Variants in PCDHGB2 observed in about 807,000 individuals in gnomAD.
PCDHGB2 encodes protocadherin gamma-B2.
PCDHGB2 carries 55 observed loss-of-function variants against 59.3 expected under a neutral mutation model. The observed-to-expected ratio is 0.93, with a 90% CI of 0.75 to 1.16. The LOEUF is 1.16. Ranked by LOEUF, PCDHGB2 falls within the 50% of genes most tolerant of loss-of-function variation. PCDHGB2 has a pLI of 0.00. For missense variants in PCDHGB2, 1,228 were observed against 1,198.5 expected (o/e 1.02, Z -0.36); for synonymous variants, 516 against 512.0 (o/e 1.01, Z -0.11).
chr5:141,501,162 C>T (rs922957843), intron 2 of PCDHGB2, among the ~76,000 whole-genome samples: 1 of 152,134 alleles, frequency 6.6e-6, no homozygotes, highest in Non-Finnish European at 1.5e-5. Context: ...CCACCATCCC[C>T]AGCCTCATTT....
At chr5:141,454,871 G>A (rs1337911223) in intron 1 of PCDHGB2, among the ~76,000 whole-genome samples, 2 of 129,030 alleles carry the variant, frequency 1.6e-5, no homozygotes, top group Non-Finnish European at 3.1e-5. Context: ...GCAGTGGCAC[G>A]ATCTTGGCTC....
chr5:141,475,984 G>A, intron 1 of PCDHGB2: 2 of 1,069,308 alleles, frequency 1.9e-6, no homozygotes, highest in Non-Finnish European at 2.7e-6. Flanking sequence ...AACAGCCGGC[G>A]AGCAAATCAA....
chr5:141,451,955 A>T (rs1004010741), intron 1 of PCDHGB2, among the ~76,000 whole-genome samples: 2 of 152,196 alleles, frequency 1.3e-5, no homozygotes, highest in Admixed American at 1.3e-4. Flanking sequence ...CGAGAAAGTG[A>T]CATACCATCA....
chr5:141,395,562 G>T (rs975935179), intron 1 of PCDHGB2: 2 of 227,450 alleles, frequency 8.8e-6, no homozygotes, highest in Non-Finnish European at 1.7e-5. Context: ...GTGTGTGTGT[G>T]TGTGTGTGTG....
Position 141,487,540 on chromosome 5 carries a change from G to T in PCDHGB2, c.2422-7267G>T, listed in dbSNP as rs1319372340. The T allele has an allele frequency of 1.2e-6, 2 of 1,614,208 alleles. No homozygotes were observed. Among genetic ancestry groups the T allele is most frequent in the Admixed American group, 3.3e-5 (2 of 60,034 alleles). ...GGAGTGATAGCTTCATGATGGTGAA[G>T]TCACCCAGTGCACCTATGGCAGGGG... is the stretch of plus-strand genomic sequence containing the variant. On this transcript the variant is annotated intron_variant, in intron 1 of 3. Transcript: ENST00000522605. This position sits in a 1 kb window ranked among gnomAD's most constrained non-coding sequence, Gnocchi z 5.0.
chr5:141,393,306 A>G (rs2092724552), intron 1 of PCDHGB2: 2 of 1,613,734 alleles, frequency 1.2e-6, no homozygotes, highest in African/African-American at 2.7e-5. Flanking sequence ...TGTGGGCGTG[A>G]ACTCCCTCCA....
intron 1 of PCDHGB2, chr5:141,389,412 G>T (rs1039259671): frequency 5.6e-6 from 9 of 1,613,470 alleles, no homozygotes; most frequent in Non-Finnish European, 7.6e-6. Flanking sequence ...CGCGGAGAGC[G>T]GGGTGGTGTT....
intron 1 of PCDHGB2, chr5:141,433,104 A>G: frequency 6.2e-7 from 1 of 1,614,214 alleles, no homozygotes; most frequent in Non-Finnish European, 8.5e-7. Flanking sequence ...CTCGTCAGCC[A>G]GGAGAGCTTT....
chr5:141,510,802 C>T (rs1358684730), intron 3 of PCDHGB2, 145 bp from the exon 4 acceptor site: 1 of 1,497,192 alleles, frequency 6.7e-7, no homozygotes, highest in African/African-American at 1.4e-5. Context: ...AGAGAGACTA[C>T]CTTGGTGACC....
Position 141,408,151 on chromosome 5 carries a change from T to G in PCDHGB2, c.2421+45595T>G, listed in dbSNP as rs2154539780. ...CGAATGCTCTTTTAGCGCGGTAGAG[T>G]GCACTTTCTCCAACTGGAAAAGCGG... On this transcript the variant is annotated intron_variant, in intron 1 of 3. Transcript: ENST00000522605. 3.3e-6 allele frequency: 5 copies of G among 1,506,938 alleles called. No individual in the cohort carries two copies. In the East Asian group the frequency reaches 1.2e-4, roughly 37 times the overall value. 93.3% of individuals were successfully genotyped at this position (1,506,938 alleles called of 1,614,324 possible). A position where few individuals can be genotyped will look rare whatever the true frequency, so the allele number is the denominator to read the frequency against.
intron 1 of PCDHGB2, among the ~76,000 whole-genome samples, chr5:141,463,438 CTTTTTTTTTTTTTTTT>C (rs71576115): frequency 1.9e-5 from 2 of 103,256 alleles, no homozygotes; most frequent in African/African-American, 4.5e-5. Context: ...TTTCCTTCTC[CTTTTTTTTTTTTTTTT>C]TTTTTTTTTT....
At chr5:141,502,291 G>A (rs1346186675) in intron 2 of PCDHGB2, among the ~76,000 whole-genome samples, 1 of 151,370 alleles carries the variant, frequency 6.6e-6, no homozygotes, top group African/African-American at 2.5e-5. Context: ...GCATTTGGTT[G>A]TCACGTCTTT....
In PCDHGB2 at chr5:141,432,112, C is replaced by T; in HGVS notation, c.2422-62695C>T. ...CAGACACCAACGACAACCCGCCGGT[C>T]TTCCCTCAGGCCTCCTATTCCGCTT... On this transcript the variant is annotated intron_variant, in intron 1 of 3. Transcript: ENST00000522605. The surrounding 1 kb of genome is among the most constrained non-coding windows in gnomAD (Gnocchi z 6.0). 1 of 1,614,186 alleles carries T rather than the reference C, an allele frequency of 6.2e-7. No individual in the cohort carries two copies. The highest frequency in any genetic ancestry group is 8.5e-7 in the Non-Finnish European group (1 of 1,180,042).
At chr5:141,394,584 G>A in intron 1 of PCDHGB2, 1 of 1,613,902 alleles carries the variant, frequency 6.2e-7, no homozygotes. Context: ...GGTGACCAAG[G>A]TGGTGGCGGT....
chr5:141,375,639 C>T (rs1364618927), intron 1 of PCDHGB2: 2 of 1,614,126 alleles, frequency 1.2e-6, no homozygotes, highest in Non-Finnish European at 1.7e-6. Flanking sequence ...GCCCTGCGCT[C>T]CTTCGACTAT....
At chr5:141,414,280 G>A (rs1448512468) in intron 1 of PCDHGB2, 2 of 1,613,604 alleles carry the variant, frequency 1.2e-6, no homozygotes, top group Admixed American at 1.7e-5. Context: ...TCTGGGAACA[G>A]TCGTAGCCCT....
Position 141,476,702 on chromosome 5 carries a change from C to CTGG in PCDHGB2, c.2422-18102_2422-18100dup, listed in dbSNP as rs1562056101. On this transcript the variant is annotated intron_variant, in intron 1 of 3. Coordinates refer to ENST00000522605, the MANE Select transcript of PCDHGB2 (RefSeq NM_018923.3). This position sits in a 1 kb window ranked among gnomAD's most constrained non-coding sequence, Gnocchi z 7.6. ...GGAGGACAGCACCAAGTACGCGGAG[C>CTGG]TGGTGTTGGAGCGCGCCCTGGACCG... 5 of 1,614,222 alleles carry CTGG rather than the reference C, an allele frequency of 3.1e-6. No homozygotes were observed. The highest frequency in any genetic ancestry group is 4.2e-6 in the Non-Finnish European group (5 of 1,180,042).
rs2095330785 is a variant in PCDHGB2 at position 141,409,884 on chromosome 5, G to C, written c.2421+47328G>C. The C allele has an allele frequency of 1.9e-6, 3 of 1,612,952 alleles. No individual in the cohort carries two copies. In the South Asian group the frequency reaches 3.3e-5, roughly 18 times the overall value. On this transcript the variant is annotated intron_variant, in intron 1 of 3. Transcript: ENST00000522605. ...GGAGACCGCAATGACAACGCACCGC[G>C]GGTGCTGTACCCAGCTCTGGGTCCT...
Position 141,469,573 on chromosome 5 carries a change from C to CTAAA in PCDHGB2, c.2422-25217_2422-25214dup, listed in dbSNP as rs1209972534. Among the ~76,000 whole-genome samples the CTAAA allele has an allele frequency of 1.4e-4, 21 of 151,674 alleles. No individual in the cohort carries two copies. In the East Asian group the frequency reaches 2.3e-3, roughly 17 times the overall value. On this transcript the variant is annotated intron_variant, in intron 1 of 3. Coordinates refer to ENST00000522605, the MANE Select transcript of PCDHGB2 (RefSeq NM_018923.3). ...CTGGCGACAGAGTGAGACTCTGTCT[C>CTAAA]TAAATAAATAAATAAATAAAACAAA...
Sources: gnomAD v4.1 joint callset for allele counts (sites outside exome capture counted in the v4.1 genomes callset) on GRCh38, gnomAD v4.1.1 for gene constraint, Gnocchi (gnomAD v3.1) non-coding constraint, MANE v1.5 for transcripts, NCBI Gene and HGNC (gene_info 2026-07-23, HGNC 2026-07-21) for gene names.